The following COL14A1 variants were observed in gnomAD, a reference collection of about 807,000 sequenced individuals.
The protein encoded by COL14A1 is collagen type XIV alpha 1 chain.
Under a neutral mutation model 230.3 loss-of-function variants are expected in COL14A1, and 136 were observed. The observed-to-expected ratio is 0.59, with a 90% CI of 0.51 to 0.68. The LOEUF (loss-of-function observed/expected upper bound fraction) is 0.68, where lower values mean the gene tolerates loss of function less well. COL14A1 is among the 30% of genes least tolerant of loss of function. COL14A1 has a pLI of 0.00. For missense variants in COL14A1, 1,976 were observed against 2,215.8 expected, an observed-to-expected ratio of 0.89 and a Z score of 2.17; for synonymous variants, 792 against 784.1, an observed-to-expected ratio of 1.01 and a Z score of -0.17.
intron 2 of COL14A1, among the ~76,000 whole-genome samples, chr8:120,149,248 A>G (rs978194272): frequency 1.3e-5 from 2 of 152,234 alleles, no homozygotes; most frequent in Admixed American, 6.5e-5. Context: ...GAAAAGATCA[A>G]TGCATGAACC....
intron 33 of COL14A1, among the ~76,000 whole-genome samples, chr8:120,287,814 C>T (rs1208521405): frequency 6.6e-6 from 1 of 151,910 alleles, no homozygotes; most frequent in Non-Finnish European, 1.5e-5. Flanking sequence ...TTGTAGAAGT[C>T]GAATTCTATT....
chr8:120,211,525 G>A (rs1817615519), intron 12 of COL14A1, among the ~76,000 whole-genome samples: 1 of 152,114 alleles, frequency 6.6e-6, no homozygotes, highest in Non-Finnish European at 1.5e-5. Flanking sequence ...TTAGGGTGGA[G>A]GTAGTGGACA....
intron 36 of COL14A1, among the ~76,000 whole-genome samples, chr8:120,306,402 T>G (rs1820859990): frequency 6.6e-6 from 1 of 152,188 alleles, no homozygotes; most frequent in Admixed American, 6.5e-5. Flanking sequence ...AATTGAAAAT[T>G]TATATTTCAA....
chr8:120,266,801 A>G, intron 24 of COL14A1, 26 bp from the exon 25 acceptor site: 1 of 1,598,376 alleles, frequency 6.3e-7, no homozygotes, highest in East Asian at 2.2e-5. Context: ...TGGTGAACTG[A>G]TGTCCTTTCT....
chr8:120,216,302 T>C (rs200567299), intron 13 of COL14A1, 49 bp from the exon 14 acceptor site: 10 of 1,518,756 alleles, frequency 6.6e-6, no homozygotes, highest in African/African-American at 5.6e-5. Flanking sequence ...TCTTTTTACA[T>C]GTATGTAATT....
chr8:120,127,028 C>T (rs1418300743), intron 1 of COL14A1, among the ~76,000 whole-genome samples: 1 of 152,136 alleles, frequency 6.6e-6, no homozygotes, highest in Non-Finnish European at 1.5e-5. Context: ...AGTAAATCCA[C>T]CATTTTAGAA....
At chr8:120,251,978 C>T (rs973345198) in intron 22 of COL14A1, among the ~76,000 whole-genome samples, 4 of 151,860 alleles carry the variant, frequency 2.6e-5, no homozygotes, top group Middle Eastern at 3.2e-3. Flanking sequence ...GTTTCAAATA[C>T]TCACTATTCT....
chr8:120,228,146 C>T (rs957753028), intron 17 of COL14A1, among the ~76,000 whole-genome samples: 3 of 152,152 alleles, frequency 2.0e-5, no homozygotes, highest in African/African-American at 7.2e-5. Flanking sequence ...AGGCCATGAA[C>T]TCAGGCGAGA....
intron 40 of COL14A1, 39 bp downstream of exon 40, chr8:120,316,036 G>C: frequency 1.2e-6 from 2 of 1,605,654 alleles, no homozygotes; most frequent in Non-Finnish European, 1.7e-6. Flanking sequence ...GCAAAGTAGT[G>C]ACCTTTTCAC....
intron 25 of COL14A1, among the ~76,000 whole-genome samples, chr8:120,269,239 C>T (rs1819586869): frequency 6.6e-6 from 1 of 151,780 alleles, no homozygotes; most frequent in African/African-American, 2.4e-5. Context: ...ATGATCAGCC[C>T]TAATGAAGAG....
chr8:120,220,229 C>T (rs1817885281), intron 14 of COL14A1, among the ~76,000 whole-genome samples: 1 of 151,404 alleles, frequency 6.6e-6, no homozygotes, highest in Admixed American at 6.6e-5. Flanking sequence ...CTGGAATGAA[C>T]TGTAAAATGT....
chr8:120,199,281 A>C, intron 7 of COL14A1, 121 bp from the exon 8 acceptor site: 1 of 819,156 alleles, frequency 1.2e-6, no homozygotes, highest in Non-Finnish European at 1.7e-6. Context: ...AAAAATGAAG[A>C]TTTGCATGTA....
intron 24 of COL14A1, 149 bp downstream of exon 24, chr8:120,263,163 A>T: frequency 1.2e-6 from 1 of 801,984 alleles, no homozygotes. Flanking sequence ...ACTCAACCCC[A>T]GAATTCATTG....
intron 5 of COL14A1, among the ~76,000 whole-genome samples, chr8:120,190,369 T>A (rs1816782141): frequency 2.0e-5 from 3 of 152,236 alleles, no homozygotes. Context: ...AAGTTCATTG[T>A]AGATTCTGGA....
intron 45 of COL14A1, among the ~76,000 whole-genome samples, chr8:120,351,189 C>T (rs1374764572): frequency 1.3e-5 from 2 of 148,828 alleles, no homozygotes; most frequent in African/African-American, 5.0e-5. Flanking sequence ...TTGAAACCAA[C>T]AAGAACAAAG....
At chr8:120,202,696 GTTA>G (rs1292428954) in intron 8 of COL14A1, among the ~76,000 whole-genome samples, 1 of 151,992 alleles carries the variant, frequency 6.6e-6, no homozygotes, top group East Asian at 1.9e-4. Context: ...GATTAAAGGT[GTTA>G]TTATATGGAA....
intron 20 of COL14A1, among the ~76,000 whole-genome samples, chr8:120,247,298 C>T (rs1818796002): frequency 6.6e-6 from 1 of 152,090 alleles, no homozygotes; most frequent in Non-Finnish European, 1.5e-5. Context: ...TGGTACGTGC[C>T]TGTAGTCCAA....
At chr8:120,356,150 G>A (rs935963743) in intron 45 of COL14A1, among the ~76,000 whole-genome samples, 7 of 152,224 alleles carry the variant, frequency 4.6e-5, no homozygotes, top group Non-Finnish European at 8.8e-5. Context: ...GAATGTAAAG[G>A]AAGATGTCAG....
intron 20 of COL14A1, among the ~76,000 whole-genome samples, chr8:120,246,529 C>A (rs1330608077): frequency 6.6e-6 from 1 of 152,026 alleles, no homozygotes; most frequent in African/African-American, 2.4e-5. Context: ...TTAAAGAAAA[C>A]ATCAAGTAGT....
Sources: allele counts gnomAD v4.1 joint callset (sites outside exome capture counted in the v4.1 genomes callset), GRCh38; gene constraint gnomAD v4.1.1; transcripts MANE v1.5; gene names NCBI Gene and HGNC (gene_info 2026-07-23, HGNC 2026-07-21).